Variants in TRIOBP observed in about 807,000 individuals in gnomAD.
TRIOBP encodes TRIO and F-actin binding protein, also known as TRIO and F-actin-binding protein.
A neutral mutation model predicts 238.8 loss-of-function variants in TRIOBP; 169 were observed. The observed-to-expected ratio is 0.71, with a 90% CI of 0.62 to 0.80. TRIOBP has a LOEUF of 0.80. Ranked by LOEUF, TRIOBP falls within the 30% of genes least tolerant of loss-of-function variation. The pLI is 0.00. For synonymous variants in TRIOBP, 1,150 were observed against 1,274.4 expected, an observed-to-expected ratio of 0.90 and a Z score of 2.08; for missense variants, 2,838 against 3,122.6, an observed-to-expected ratio of 0.91 and a Z score of 2.17.
At chr22:37,719,996 CG>C (rs10531724) in intron 6 of TRIOBP, among the ~76,000 whole-genome samples, 23,491 of 44,782 alleles carry the variant, frequency 0.52, 7,771 homozygotes, top group South Asian at 0.75. Context: ...CATCCCCCCC[CG>C]CCCTTTTTTT....
intron 16 of TRIOBP, 152 bp from the exon 17 acceptor site, chr22:37,759,002 G>C: frequency 1.5e-6 from 1 of 674,332 alleles, no homozygotes; most frequent in Non-Finnish European, 2.6e-6. Flanking sequence ...CTCCAGGGCT[G>C]CTTGCCCTTC....
chr22:37,745,300 A>G (rs1925165383), intron 11 of TRIOBP, among the ~76,000 whole-genome samples: 2 of 152,170 alleles, frequency 1.3e-5, no homozygotes, highest in African/African-American at 4.8e-5. Flanking sequence ...ACTTGAATTA[A>G]CACTTAATCC....
At chr22:37,773,589 T>G (rs575684169) in intron 23 of TRIOBP, among the ~76,000 whole-genome samples, 194 bp from the exon 24 acceptor site, 2 of 152,266 alleles carry the variant, frequency 1.3e-5, no homozygotes, top group East Asian at 1.9e-4. Context: ...TAAGTCCTCA[T>G]GGACTTCCTA....
At chr22:37,701,911 C>T (rs373163357) in intron 3 of TRIOBP, among the ~76,000 whole-genome samples, 1 of 151,952 alleles carries the variant, frequency 6.6e-6, no homozygotes, top group Non-Finnish European at 1.5e-5. Context: ...GTGGATCACC[C>T]GAGGTCGGGA....
At chr22:37,727,391 G>A (rs1313219235) in intron 7 of TRIOBP, among the ~76,000 whole-genome samples, 4 of 151,820 alleles carry the variant, frequency 2.6e-5, no homozygotes, top group Admixed American at 6.6e-5. Context: ...GGCCAGGGCC[G>A]GGCACGGTGG....
chr22:37,723,112 G>C, intron 6 of TRIOBP, 73 bp from the exon 7 acceptor site: 1 of 1,529,232 alleles, frequency 6.5e-7, no homozygotes, highest in East Asian at 2.3e-5. Flanking sequence ...GGTCCTAAGG[G>C]ACAAAGAAAG....
At chr22:37,755,276 C>A (rs1204041085) in intron 14 of TRIOBP, 86 bp downstream of exon 14, 3 of 1,349,918 alleles carry the variant, frequency 2.2e-6, no homozygotes, top group African/African-American at 1.5e-5. Flanking sequence ...ACATGGCTCA[C>A]CATGGAGACT....
chr22:37,706,327 A>C (rs147675418), intron 3 of TRIOBP, among the ~76,000 whole-genome samples: 3 of 152,252 alleles, frequency 2.0e-5, no homozygotes, highest in African/African-American at 4.8e-5. Flanking sequence ...TCACTGACCA[A>C]AGTCTTGCTC....
chr22:37,725,018 A>C lies in TRIOBP; in HGVS notation c.2462A>C (p.Gln821Pro). 6.2e-7 allele frequency: 1 copy of C among 1,614,094 alleles called. No individual in the cohort carries two copies. The highest frequency in any genetic ancestry group is 8.5e-7 in the Non-Finnish European group (1 of 1,179,942). The change falls in exon 7 of 24, where the codon CAG becomes CCG. Residue 821 changes from glutamine (Q) to proline (P), a missense_variant. Around this residue, in one of 5 missense-constraint regions of TRIOBP, gnomAD observed 2,096 missense variants for 2,137.4 expected, o/e 0.98. Transcript: ENST00000644935. ...QQDNPRTCIQ[Q>P]NIPRSSSTQQ... ...GACAACCCCAGAACTTGTATTCAAC[A>C]GAACATCCCCAGATCATCTTCTACC...
At chr22:37,704,032 C>T (rs187063314) in intron 3 of TRIOBP, among the ~76,000 whole-genome samples, 2 of 152,240 alleles carry the variant, frequency 1.3e-5, no homozygotes, top group East Asian at 1.9e-4. Context: ...CAAATTCATA[C>T]GTACTGAATA....
chr22:37,740,263 C>G (rs1235420987), intron 10 of TRIOBP, among the ~76,000 whole-genome samples: 1 of 152,230 alleles, frequency 6.6e-6, no homozygotes, highest in African/African-American at 2.4e-5. Flanking sequence ...GGACAAGTGC[C>G]TCTGCTTCAC....
intron 15 of TRIOBP, among the ~76,000 whole-genome samples, chr22:37,756,813 A>G (rs1446716024): frequency 1.3e-5 from 2 of 152,206 alleles, no homozygotes; most frequent in African/African-American, 4.8e-5. Flanking sequence ...GAGAATTGCC[A>G]TAGTTGTTCA....
intron 6 of TRIOBP, among the ~76,000 whole-genome samples, chr22:37,717,370 CGA>C (rs1193951168): frequency 6.6e-6 from 1 of 152,140 alleles, no homozygotes; most frequent in Non-Finnish European, 1.5e-5. Flanking sequence ...GAAGAGGACC[CGA>C]GCGGGTTGCC....
At chr22:37,701,603 C>G in intron 3 of TRIOBP, 124 bp downstream of exon 3, 2 of 708,474 alleles carry the variant, frequency 2.8e-6, no homozygotes, top group East Asian at 2.7e-5. Flanking sequence ...TCGAGAGCCT[C>G]GGTTTTCCCA....
At chr22:37,715,620 G>C in intron 5 of TRIOBP, 143 bp from the exon 6 acceptor site, 1 of 917,014 alleles carries the variant, frequency 1.1e-6, no homozygotes, top group Non-Finnish European at 1.7e-6. Flanking sequence ...TGGGATTGCA[G>C]GCGTGAGCCA....
At chr22:37,701,726 G>C (rs1290595016) in intron 3 of TRIOBP, among the ~76,000 whole-genome samples, 2 of 152,164 alleles carry the variant, frequency 1.3e-5, no homozygotes, top group Non-Finnish European at 2.9e-5. Context: ...TACTTACTTT[G>C]TTATTCTTTA....
At chr22:37,719,989 C>CACACTGCCCTCACTGTTTCACTCCT (rs367687004) in intron 6 of TRIOBP, among the ~76,000 whole-genome samples, 2 of 71,208 alleles carry the variant, frequency 2.8e-5, no homozygotes, top group African/African-American at 6.1e-5. Flanking sequence ...TTTCACTCAT[C>CACACTGCCCTCACTGTTTCACTCCT]CCCCCCCGCC....
intron 7 of TRIOBP, among the ~76,000 whole-genome samples, chr22:37,728,133 G>T (rs1215504527): frequency 6.6e-6 from 1 of 152,076 alleles, no homozygotes; most frequent in Non-Finnish European, 1.5e-5. Flanking sequence ...ATTTGAATCT[G>T]CATGAGAAAC....
chr22:37,756,815 AGTT>A (rs1057417389), intron 15 of TRIOBP, among the ~76,000 whole-genome samples: 126 of 152,282 alleles, frequency 8.3e-4, no homozygotes, highest in African/African-American at 2.9e-3. Context: ...GAATTGCCAT[AGTT>A]GTTCAGAGTC....
Sources: gnomAD v4.1 joint callset for allele counts (sites outside exome capture counted in the v4.1 genomes callset) on GRCh38, gnomAD v4.1.1 for gene constraint, gnomAD v4.1.1 regional missense constraint, MANE v1.5 for transcripts, NCBI Gene and HGNC (gene_info 2026-07-23, HGNC 2026-07-21) for gene names.